MB21D2: variants seen among roughly 807,000 people sequenced by gnomAD.
MB21D2 encodes nucleotidyltransferase MB21D2.
Under a neutral mutation model 33.3 loss-of-function variants are expected in MB21D2, and 9 were observed. The observed-to-expected ratio is 0.27, with a 90% CI of 0.16 to 0.47. The LOEUF (loss-of-function observed/expected upper bound fraction) is 0.47, where lower values mean the gene tolerates loss of function less well. Ranked by LOEUF, MB21D2 falls within the 20% of genes least tolerant of loss-of-function variation. The pLI is 0.99. For missense variants in MB21D2, 540 were observed against 624.6 expected (o/e 0.86, Z 1.44); for synonymous variants, 241 against 236.3 (o/e 1.02, Z -0.18).
Position 192,917,818 on chromosome 3 carries a change from G to A in MB21D2, c.23C>T (p.Ala8Val), listed in dbSNP as rs1227515074. 1 of 1,610,588 alleles carries A rather than the reference G, an allele frequency of 6.2e-7. No homozygotes were observed. The highest frequency in any genetic ancestry group is 1.1e-5 in the South Asian group (1 of 90,894). ...ACAGCCCAGGGAGGCTGCCTTGTTG[G>A]CGGTGGGAGCCGCCATCTTCATGCA... is the stretch of plus-strand genomic sequence containing the variant. MKMAAPT[A>V]NKAASLGCNN... Residue 8 changes from alanine (A) to valine (V), a missense_variant, in exon 1 of 2, where the codon GCC (alanine) becomes GTC (valine). Ala to Val is a moderately conservative substitution (Grantham distance 64). Transcript: ENST00000392452.
chr3:192,815,653 G>A (rs980386259), intron 1 of MB21D2, among the ~76,000 whole-genome samples: 1 of 152,204 alleles, frequency 6.6e-6, no homozygotes, highest in Non-Finnish European at 1.5e-5. Flanking sequence ...ACTTTGGCGG[G>A]CTTTTGGAAA....
chr3:192,840,719 G>A (rs1055097255), intron 1 of MB21D2, among the ~76,000 whole-genome samples: 2 of 152,112 alleles, frequency 1.3e-5, no homozygotes, highest in African/African-American at 4.8e-5. Context: ...TTGATCAGTA[G>A]AACAGTCAGA....
At chr3:192,869,278 GAA>G (rs1337767804) in intron 1 of MB21D2, among the ~76,000 whole-genome samples, 8 of 132,456 alleles carry the variant, frequency 6.0e-5, no homozygotes, top group Middle Eastern at 3.8e-3. Flanking sequence ...AGGAAGGAAG[GAA>G]GGAAGGAGGG....
chr3:192,835,455 C>CAAGA (rs1712417196), intron 1 of MB21D2, among the ~76,000 whole-genome samples: 2 of 61,172 alleles, frequency 3.3e-5, no homozygotes, highest in South Asian at 1.7e-3. Flanking sequence ...GACTCTGTCT[C>CAAGA]AAAAAAAAAA....
rs1307736786 is a variant in MB21D2 at position 192,911,337 on chromosome 3, C to T, written c.211+6293G>A. On this transcript the variant is annotated intron_variant, in intron 1 of 1. Coordinates refer to ENST00000392452, the MANE Select transcript of MB21D2 (RefSeq NM_178496.4). Reference sequence around the variant, plus strand: ...ACATAGTAAACACCCTTGTCTCACTCACTATGCCTTTTTGTCTCTGTCCCA... The same window carrying T: ...ACATAGTAAACACCCTTGTCTCACTTACTATGCCTTTTTGTCTCTGTCCCA... Among the ~76,000 whole-genome samples, 7 of 152,108 alleles carry T rather than the reference C, an allele frequency of 4.6e-5. No individual in the cohort carries two copies. In the East Asian group the frequency reaches 1.3e-3, roughly 29 times the overall value.
intron 1 of MB21D2, among the ~76,000 whole-genome samples, chr3:192,866,665 A>G (rs949292044): frequency 6.6e-6 from 1 of 152,230 alleles, no homozygotes; most frequent in Non-Finnish European, 1.5e-5. Context: ...CTAAATTAAC[A>G]TAACTGTCTG....
At chr3:192,862,188 C>A (rs1452709658) in intron 1 of MB21D2, among the ~76,000 whole-genome samples, 3 of 152,192 alleles carry the variant, frequency 2.0e-5, no homozygotes, top group African/African-American at 4.8e-5. Context: ...TCTTACCACA[C>A]CTGTTTCAAC....
At chr3:192,892,679 G>A (rs1404815380) in intron 1 of MB21D2, among the ~76,000 whole-genome samples, 1 of 152,094 alleles carries the variant, frequency 6.6e-6, no homozygotes, top group Non-Finnish European at 1.5e-5. Flanking sequence ...CTGACCTCAG[G>A]TGATCTGCCT....
At chr3:192,907,584 C>A (rs1714240528) in intron 1 of MB21D2, among the ~76,000 whole-genome samples, 1 of 152,154 alleles carries the variant, frequency 6.6e-6, no homozygotes, top group Non-Finnish European at 1.5e-5. Flanking sequence ...TCAGTACTCC[C>A]ATCTAGAAAT....
At chr3:192,876,167 C>G (rs900278230) in intron 1 of MB21D2, among the ~76,000 whole-genome samples, 4 of 152,178 alleles carry the variant, frequency 2.6e-5, no homozygotes, top group African/African-American at 9.7e-5. Flanking sequence ...GGATGCTCCC[C>G]CAGGCACTGC....
At chr3:192,809,330 G>A (rs1238116362) in intron 1 of MB21D2, among the ~76,000 whole-genome samples, 4 of 152,280 alleles carry the variant, frequency 2.6e-5, no homozygotes, top group East Asian at 3.9e-4. Context: ...TTTTGACCTC[G>A]TGATCCGCCT....
At chr3:192,867,317 C>T (rs1713191891) in intron 1 of MB21D2, among the ~76,000 whole-genome samples, 2 of 152,262 alleles carry the variant, frequency 1.3e-5, no homozygotes, top group Non-Finnish European at 2.9e-5. Context: ...AGGGTCCCAG[C>T]AGAGTCATGG....
intron 1 of MB21D2, among the ~76,000 whole-genome samples, chr3:192,839,833 G>A (rs1712529097): frequency 6.6e-6 from 1 of 152,162 alleles, no homozygotes; most frequent in Admixed American, 6.5e-5. Context: ...AAGTATTTGA[G>A]AAAGTTCATT....
chr3:192,899,821 G>GTGTGTGGAAGTATGGCTGACTGAGCTCA (rs1714055023), intron 1 of MB21D2, among the ~76,000 whole-genome samples: 1 of 150,446 alleles, frequency 6.6e-6, no homozygotes, highest in Non-Finnish European at 1.5e-5. Context: ...TGGGCACCTC[G>GTGTGTGGAAGTATGGCTGACTGAGCTCA]TGTGTGGTAG....
chr3:192,835,616 G>A lies in MB21D2; in HGVS notation c.212-35966C>T, dbSNP rs184268182. ...TCTAATTTCTTAAAACATTTTAACC[G>A]TCTGTTGGTCTAAAACTATTTATTA... On this transcript the variant is annotated intron_variant, in intron 1 of 1. Transcript: ENST00000392452. Among the ~76,000 whole-genome samples, 152 of 151,856 alleles carry A rather than the reference G, an allele frequency of 1.0e-3. 1 individual carries two copies. The highest frequency in any genetic ancestry group is 3.2e-3 in the African/African-American group (131 of 41,430).
chr3:192,873,346 G>C (rs935399379), intron 1 of MB21D2, among the ~76,000 whole-genome samples: 1 of 152,132 alleles, frequency 6.6e-6, no homozygotes, highest in African/African-American at 2.4e-5. Context: ...CTTCATCATA[G>C]CACACAAAGA....
chr3:192,863,694 T>C (rs561764751), intron 1 of MB21D2, among the ~76,000 whole-genome samples: 2 of 152,186 alleles, frequency 1.3e-5, no homozygotes, highest in South Asian at 4.2e-4. Flanking sequence ...AGGTGATGAT[T>C]ATTGGGAGAT....
chr3:192,875,065 C>T (rs182291144), intron 1 of MB21D2, among the ~76,000 whole-genome samples: 1 of 152,060 alleles, frequency 6.6e-6, no homozygotes, highest in African/African-American at 2.4e-5. Flanking sequence ...GGTGTGCCAC[C>T]TATCTTCTAC....
intron 1 of MB21D2, among the ~76,000 whole-genome samples, chr3:192,907,136 C>T (rs1714231797): frequency 6.6e-6 from 1 of 150,816 alleles, no homozygotes; most frequent in African/African-American, 2.4e-5. Context: ...GGAAACAGGG[C>T]CTCACAGAAG....
Sources: allele counts gnomAD v4.1 joint callset (sites outside exome capture counted in the v4.1 genomes callset), GRCh38; gene constraint gnomAD v4.1.1; transcripts MANE v1.5; gene names NCBI Gene and HGNC (gene_info 2026-07-23, HGNC 2026-07-21).